The following ARHGAP21 variants were observed in gnomAD, a reference collection of about 807,000 sequenced individuals.
ARHGAP21 encodes rho GTPase-activating protein 21.
Under a neutral mutation model 164.6 loss-of-function variants are expected in ARHGAP21, and 38 were observed. That is an observed-to-expected ratio of 0.23 (90% CI 0.18 to 0.30). The LOEUF (loss-of-function observed/expected upper bound fraction) is 0.30. Among genes scored for constraint, ARHGAP21 ranks in the 10% least tolerant of loss-of-function variants. The pLI, the probability that ARHGAP21 is intolerant of heterozygous loss-of-function variation, is 1.00. For synonymous variants in ARHGAP21, 766 were observed against 857.9 expected (o/e 0.89, Z 1.87); for missense variants, 1,822 against 2,370.7 (o/e 0.77, Z 4.81).
intron 4 of ARHGAP21, among the ~76,000 whole-genome samples, chr10:24,641,997 G>GA (rs202129015): frequency 0.13 from 15,200 of 113,268 alleles, 1,533 homozygotes; most frequent in East Asian, 0.35. Flanking sequence ...CTCCATCTTG[G>GA]AAAAAAAAAA....
intron 4 of ARHGAP21, among the ~76,000 whole-genome samples, chr10:24,648,119 G>A (rs1458961926): frequency 2.0e-5 from 3 of 152,270 alleles, no homozygotes; most frequent in Non-Finnish European, 2.9e-5. Flanking sequence ...GATTACAGGC[G>A]TGAGCCACTG....
At chr10:24,595,849 G>A (rs756386183) in intron 18 of ARHGAP21, 39 bp downstream of exon 18, 4 of 1,587,800 alleles carry the variant, frequency 2.5e-6, no homozygotes, top group Non-Finnish European at 3.4e-6. Flanking sequence ...CACCAAAGGG[G>A]GAAAAAAAAG....
intron 2 of ARHGAP21, among the ~76,000 whole-genome samples, chr10:24,702,949 A>G (rs1365309684): frequency 6.6e-6 from 1 of 152,240 alleles, no homozygotes; most frequent in Non-Finnish European, 1.5e-5. Flanking sequence ...AGCAATTTAA[A>G]TGTTCAACAG....
chr10:24,670,051 T>C (rs560468810), intron 3 of ARHGAP21, among the ~76,000 whole-genome samples, 167 bp downstream of exon 3: 1 of 152,246 alleles, frequency 6.6e-6, no homozygotes, highest in East Asian at 1.9e-4. Flanking sequence ...TTCTTGAAGG[T>C]GGGAAAATAC....
rs1338494865 is a variant in ARHGAP21 at position 24,596,865 on chromosome 10, TTGGGGGAC to T, written c.3344_3351del (p.Ser1115LysfsTer19). The T allele has an allele frequency of 6.2e-7, 1 of 1,609,036 alleles. No homozygotes were observed. Among genetic ancestry groups the T allele is most frequent in the Non-Finnish European group, 8.5e-7 (1 of 1,178,590 alleles). On this transcript the variant is annotated frameshift_variant, in exon 17 of 26. Coordinates refer to ENST00000396432, the MANE Select transcript of ARHGAP21 (RefSeq NM_020824.4). LOFTEE classifies it high-confidence loss of function. Reference sequence around the variant, plus strand: ...CCTTTTCTCCATGTGCCTTTGTCTTTTGGGGGACTGGTATCATCTTTTGATTGCCAGTC... The same window carrying T: ...CCTTTTCTCCATGTGCCTTTGTCTTTTGGTATCATCTTTTGATTGCCAGTC...
At chr10:24,713,584 GA>G (rs1845060442) in intron 2 of ARHGAP21, among the ~76,000 whole-genome samples, 1 of 151,412 alleles carries the variant, frequency 6.6e-6, no homozygotes, top group Non-Finnish European at 1.5e-5. Flanking sequence ...ACATTAAATA[GA>G]TAACTAGAAG....
At chr10:24,599,465 A>T (rs1010459070) in intron 14 of ARHGAP21, among the ~76,000 whole-genome samples, 3 of 152,254 alleles carry the variant, frequency 2.0e-5, no homozygotes, top group African/African-American at 7.2e-5. Flanking sequence ...ACCAAAGGAA[A>T]AAAAGCACAC....
At chr10:24,608,576 T>A (rs1398209691) in intron 9 of ARHGAP21, among the ~76,000 whole-genome samples, 2 of 152,168 alleles carry the variant, frequency 1.3e-5, no homozygotes, top group African/African-American at 2.4e-5. Context: ...TATACTACAA[T>A]GATAAACCAG....
chr10:24,589,738 G>C (rs1017160855), intron 24 of ARHGAP21: 1 of 162,674 alleles, frequency 6.1e-6, no homozygotes, highest in African/African-American at 2.4e-5. Flanking sequence ...ACTCATACTG[G>C]CATGTTTATG....
rs538856579 is a variant in ARHGAP21 at position 24,663,624 on chromosome 10, G to T, written c.268+3361C>A. Reference sequence around the variant, plus strand: ...GCTCACTGCAACCTCCGCCTCCCAGGTTCAAGCGATTCTCCTGCTTCAGCC... The same window carrying T: ...GCTCACTGCAACCTCCGCCTCCCAGTTTCAAGCGATTCTCCTGCTTCAGCC... On this transcript the variant is annotated intron_variant, in intron 4 of 25. Transcript: ENST00000396432. Among the ~76,000 whole-genome samples, 21 of 152,296 alleles carry T rather than the reference G, an allele frequency of 1.4e-4. No individual in the cohort carries two copies. In the South Asian group the frequency reaches 2.1e-3, roughly 15 times the overall value.
Position 24,688,275 on chromosome 10 carries a change from C to T in ARHGAP21, c.64-17878G>A, listed in dbSNP as rs541845311. Among the ~76,000 whole-genome samples, 241 of 152,164 alleles carry T rather than the reference C, an allele frequency of 1.6e-3. 2 individuals are homozygous for T. The highest frequency in any genetic ancestry group is 5.6e-3 in the African/African-American group (232 of 41,518). ...AAGTGGTGGCGTGCCATCTGTAATC[C>T]CAGGTACTCAGGAGGCTGGGGCAGG... is the stretch of plus-strand genomic sequence containing the variant. On this transcript the variant is annotated intron_variant, in intron 2 of 25. Transcript: ENST00000396432.
intron 2 of ARHGAP21, among the ~76,000 whole-genome samples, chr10:24,712,274 G>A (rs1844908639): frequency 6.6e-6 from 1 of 152,092 alleles, no homozygotes; most frequent in Admixed American, 6.6e-5. Flanking sequence ...CAAGAGAAAG[G>A]CAGATGGAGA....
At chr10:24,602,281 A>T (rs1202799013) in intron 12 of ARHGAP21, among the ~76,000 whole-genome samples, 178 bp from the exon 13 acceptor site, 1 of 152,142 alleles carries the variant, frequency 6.6e-6, no homozygotes, top group Non-Finnish European at 1.5e-5. Flanking sequence ...GTGAATTATC[A>T]TTTTTTAACC....
chr10:24,637,780 G>A (rs896224191), intron 4 of ARHGAP21, among the ~76,000 whole-genome samples: 1 of 151,804 alleles, frequency 6.6e-6, no homozygotes, highest in African/African-American at 2.4e-5. Flanking sequence ...GAAAACATAC[G>A]AAGATGGAAT....
At chr10:24,645,681 G>A (rs1209335144) in intron 4 of ARHGAP21, among the ~76,000 whole-genome samples, 3 of 152,030 alleles carry the variant, frequency 2.0e-5, no homozygotes, top group Admixed American at 1.3e-4. Flanking sequence ...AATTGTTGTA[G>A]GATCATGGCA....
At position 24,621,338 on chromosome 10, in the gene ARHGAP21, T is replaced by C; in HGVS notation, c.557A>G (p.Asn186Ser). 3 of 1,607,288 alleles carry C rather than the reference T, an allele frequency of 1.9e-6. No individual in the cohort carries two copies. Among genetic ancestry groups the C allele is most frequent in the South Asian group, 1.1e-5 (1 of 90,018 alleles). ...GCGGGCATTGCCGCTATAAGCTTCGTTGCCTTTCAGGTAGGCATCTTGAGA... is the reference window on the plus strand; with the variant it reads ...GCGGGCATTGCCGCTATAAGCTTCGCTGCCTTTCAGGTAGGCATCTTGAGA... ...AYSQDAYLKGNEAYSGNARNI... is the reference protein window; with the variant it reads ...AYSQDAYLKGSEAYSGNARNI... Residue 186 changes from asparagine (N) to serine (S), a missense_variant, in exon 9 of 26, where the codon AAC (asparagine) becomes AGC (serine). By Grantham distance (46) the Asn-to-Ser change is conservative. Coordinates refer to ENST00000396432, the MANE Select transcript of ARHGAP21 (RefSeq NM_020824.4).
chr10:24,694,660 T>C (rs968722126), intron 2 of ARHGAP21, among the ~76,000 whole-genome samples: 1 of 152,210 alleles, frequency 6.6e-6, no homozygotes, highest in Non-Finnish European at 1.5e-5. Context: ...CTCTGAACTT[T>C]GTCCCATACA....
At chr10:24,588,427 T>C (rs911477620) in intron 25 of ARHGAP21, among the ~76,000 whole-genome samples, 38 of 109,342 alleles carry the variant, frequency 3.5e-4, no homozygotes, top group African/African-American at 1.0e-3. Flanking sequence ...GCAGCTTTTC[T>C]GTAGGTTTAA....
chr10:24,723,357 C>G (rs1846121026), intron 1 of ARHGAP21: 1 of 149,246 alleles, frequency 6.7e-6, no homozygotes, highest in Non-Finnish European at 1.5e-5. Context: ...TCCCTCCGCC[C>G]CGCCGCCCGC....
Sources: allele counts gnomAD v4.1 joint callset (sites outside exome capture counted in the v4.1 genomes callset), GRCh38; gene constraint gnomAD v4.1.1; transcripts MANE v1.5; gene names NCBI Gene and HGNC (gene_info 2026-07-23, HGNC 2026-07-21).